The following IGF1R variants were observed in gnomAD, a reference collection of about 807,000 sequenced individuals.
IGF1R encodes the protein insulin like growth factor 1 receptor.
A neutral mutation model predicts 144.6 loss-of-function variants in IGF1R; 44 were observed. The ratio of observed to expected loss-of-function variants is 0.30; its 90% CI spans 0.24 to 0.39. The LOEUF (loss-of-function observed/expected upper bound fraction) is 0.39. Among genes scored for constraint, IGF1R ranks in the 10% least tolerant of loss-of-function variants. IGF1R has a pLI of 1.00. For synonymous variants in IGF1R, 795 were observed against 722.8 expected (o/e 1.10, Z -1.60); for missense variants, 1,355 against 1,833.7 (o/e 0.74, Z 4.77).
intron 2 of IGF1R, among the ~76,000 whole-genome samples, chr15:98,749,135 C>T (rs183121040): frequency 6.7e-6 from 1 of 150,108 alleles, no homozygotes; most frequent in Non-Finnish European, 1.5e-5. Context: ...TTTAGGTAGG[C>T]TTAGCATAGT....
chr15:98,744,375 G>A lies in IGF1R; in HGVS notation c.640+36268G>A, dbSNP rs140545769. ...AAGACCTCCACTGGGTCTTGCAAGA[G>A]GGGAGGCCTTTGAGGACCTCACCTG... On this transcript the variant is annotated intron_variant, in intron 2 of 20. Transcript: ENST00000650285. Among the ~76,000 whole-genome samples the A allele has an allele frequency of 8.1e-4, 123 of 152,184 alleles. 2 individuals are homozygous for A. Among genetic ancestry groups the A allele is most frequent in the African/African-American group, 2.8e-3 (118 of 41,506 alleles).
chr15:98,780,906 AAAG>A (rs2055846956), intron 2 of IGF1R, among the ~76,000 whole-genome samples: 2 of 152,230 alleles, frequency 1.3e-5, no homozygotes, highest in African/African-American at 4.8e-5. Flanking sequence ...ACAATGTAGA[AAAG>A]AAGATTTACC....
chr15:98,690,024 T>G (rs2053437056), intron 1 of IGF1R, among the ~76,000 whole-genome samples: 1 of 152,122 alleles, frequency 6.6e-6, no homozygotes, highest in Non-Finnish European at 1.5e-5. Context: ...GGGTTTATGA[T>G]CATTTTCATG....
intron 2 of IGF1R, among the ~76,000 whole-genome samples, chr15:98,711,765 G>A (rs1488568661): frequency 2.0e-5 from 3 of 152,020 alleles, no homozygotes; most frequent in Non-Finnish European, 1.5e-5. Flanking sequence ...GTGGTCTCCT[G>A]ACATAGTCCA....
At chr15:98,910,894 A>G (rs1441442313) in intron 6 of IGF1R, among the ~76,000 whole-genome samples, 1 of 152,220 alleles carries the variant, frequency 6.6e-6, no homozygotes, top group Admixed American at 6.5e-5. Context: ...GATATCCACA[A>G]CTGCAGAACA....
chr15:98,804,868 G>T (rs1487717571), intron 2 of IGF1R, among the ~76,000 whole-genome samples: 1 of 152,088 alleles, frequency 6.6e-6, no homozygotes, highest in Non-Finnish European at 1.5e-5. Flanking sequence ...CTAATTTTTT[G>T]AATTTTTAGT....
intron 2 of IGF1R, among the ~76,000 whole-genome samples, chr15:98,709,426 AC>A (rs2053941729): frequency 6.6e-6 from 1 of 152,244 alleles, no homozygotes; most frequent in Non-Finnish European, 1.5e-5. Context: ...TGCAGCCAGT[AC>A]CTTGTAGAGC....
chr15:98,700,404 G>A (rs2053698972), intron 1 of IGF1R, among the ~76,000 whole-genome samples: 1 of 152,146 alleles, frequency 6.6e-6, no homozygotes, highest in Non-Finnish European at 1.5e-5. Flanking sequence ...GGGTAGGGAG[G>A]GTAGTGACAG....
intron 2 of IGF1R, among the ~76,000 whole-genome samples, chr15:98,755,332 A>G (rs908104907): frequency 2.0e-5 from 3 of 152,022 alleles, no homozygotes; most frequent in Non-Finnish European, 4.4e-5. Context: ...TCATCTGTTG[A>G]TGGACAGTCA....
In IGF1R at chr15:98,874,157, C is replaced by A. The variant is rs137959407; in HGVS notation, c.641-17168C>A. ...GGTCCAAAATGTATCTTTGGTGGCCCGGCAGAGCTCTTGCATGGGGTGAGA... is the reference window on the plus strand; with the variant it reads ...GGTCCAAAATGTATCTTTGGTGGCCAGGCAGAGCTCTTGCATGGGGTGAGA... On this transcript the variant is annotated intron_variant, in intron 2 of 20. Coordinates refer to ENST00000650285, the MANE Select transcript of IGF1R (RefSeq NM_000875.5). Among the ~76,000 whole-genome samples, 22 of 152,120 alleles carry A rather than the reference C, an allele frequency of 1.4e-4. No homozygotes were observed. In the East Asian group the frequency reaches 4.1e-3, roughly 28 times the overall value.
chr15:98,725,241 C>G (rs888847877), intron 2 of IGF1R, among the ~76,000 whole-genome samples: 1 of 152,192 alleles, frequency 6.6e-6, no homozygotes, highest in Admixed American at 6.5e-5. Flanking sequence ...GCAGTAGCAT[C>G]TTATTAGGTC....
At chr15:98,933,794 C>T (rs1047200382) in intron 15 of IGF1R, among the ~76,000 whole-genome samples, 30 of 152,074 alleles carry the variant, frequency 2.0e-4, no homozygotes, top group African/African-American at 6.8e-4. Flanking sequence ...TCTGCCCGTC[C>T]GCTGCCTAAT....
chr15:98,702,033 GTTTTTTTT>G (rs35793845), intron 1 of IGF1R, among the ~76,000 whole-genome samples: 5 of 108,714 alleles, frequency 4.6e-5, no homozygotes, highest in Admixed American at 1.1e-4. Flanking sequence ...GAGTCACGCT[GTTTTTTTT>G]TTTTTTTTTT....
Position 98,891,706 on chromosome 15 carries a change from G to C in IGF1R, c.953+69G>C. 1 of 1,481,746 alleles carries C rather than the reference G, an allele frequency of 6.7e-7. No individual in the cohort carries two copies. Among genetic ancestry groups the C allele is most frequent in the Non-Finnish European group, 9.2e-7 (1 of 1,082,546 alleles). 91.8% of individuals were successfully genotyped at this position (1,481,746 alleles called of 1,614,324 possible). Reference sequence around the variant, plus strand: ...CCCGCCACCCTAGCACACAAAGGTAGACTCTGTCGGTTGTTTCATCCGGGT... The same window carrying C: ...CCCGCCACCCTAGCACACAAAGGTACACTCTGTCGGTTGTTTCATCCGGGT... On this transcript the variant is annotated intron_variant, in intron 3 of 20. Transcript: ENST00000650285. The surrounding 1 kb of genome is among the most constrained non-coding windows in gnomAD (Gnocchi z 4.7).
intron 7 of IGF1R, among the ~76,000 whole-genome samples, chr15:98,911,840 C>T (rs2151675172): frequency 6.6e-6 from 1 of 152,320 alleles, no homozygotes; most frequent in Non-Finnish European, 1.5e-5. Flanking sequence ...GAACACCCTG[C>T]AGGCACGTGG....
chr15:98,813,589 T>C (rs1369711120), intron 2 of IGF1R, among the ~76,000 whole-genome samples: 11 of 152,248 alleles, frequency 7.2e-5, no homozygotes, highest in Admixed American at 6.5e-4. Context: ...CTACCTCTTC[T>C]TGGGGACTGT....
In IGF1R at chr15:98,960,856, C is replaced by T. The variant is rs1030043698; in HGVS notation, c.*3414C>T. On this transcript the variant is annotated 3_prime_UTR_variant, in exon 21 of 21. Transcript: ENST00000650285. ...TAGGGGTAGACAGAGATGTACCAAA[C>T]CTTCCGGCTGGAAAGCCCAGTGGCC... 4 of 233,840 alleles carry T rather than the reference C, an allele frequency of 1.7e-5. No homozygotes were observed. In the South Asian group the frequency reaches 5.4e-4, roughly 32 times the overall value. 14.5% of individuals were successfully genotyped at this position (233,840 alleles called of 1,614,324 possible).
chr15:98,692,588 A>T (rs887295259), intron 1 of IGF1R, among the ~76,000 whole-genome samples: 3 of 152,236 alleles, frequency 2.0e-5, no homozygotes, highest in African/African-American at 7.2e-5. Context: ...CTTATGTAAG[A>T]TGATGGTGAG....
At chr15:98,826,737 T>C (rs2056901045) in intron 2 of IGF1R, among the ~76,000 whole-genome samples, 1 of 152,232 alleles carries the variant, frequency 6.6e-6, no homozygotes, top group Non-Finnish European at 1.5e-5. Flanking sequence ...GGGAGCTGTT[T>C]ACTGTAACAT....
Sources: gnomAD v4.1 joint callset for allele counts (sites outside exome capture counted in the v4.1 genomes callset) on GRCh38, gnomAD v4.1.1 for gene constraint, Gnocchi (gnomAD v3.1) non-coding constraint, MANE v1.5 for transcripts, NCBI Gene and HGNC (gene_info 2026-07-23, HGNC 2026-07-21) for gene names.